PRKN: variants seen among roughly 807,000 people sequenced by gnomAD.
The protein encoded by PRKN is parkin RBR E3 ubiquitin protein ligase, also known as E3 ubiquitin-protein ligase parkin.
In PRKN, 56 loss-of-function variants were observed where a neutral mutation model predicts 59.5. The ratio of observed to expected loss-of-function variants is 0.94; its 90% CI spans 0.76 to 1.18. The LOEUF is 1.18. PRKN is among the 50% of genes most tolerant of loss of function. The pLI, the probability that PRKN is intolerant of heterozygous loss-of-function variation, is 0.00. For missense variants in PRKN, 657 were observed against 596.4 expected (o/e 1.10, Z -1.06); for synonymous variants, 250 against 222.1 (o/e 1.13, Z -1.12).
At chr6:162,367,788 A>C (rs1785532022) in intron 2 of PRKN, among the ~76,000 whole-genome samples, 1 of 152,186 alleles carries the variant, frequency 6.6e-6, no homozygotes, top group Non-Finnish European at 1.5e-5. Context: ...GAAAGAAAAA[A>C]GGGATAGAAT....
chr6:161,493,627 C>T (rs555637), intron 9 of PRKN, among the ~76,000 whole-genome samples: 42,654 of 152,182 alleles, frequency 0.28, 7,806 homozygotes, highest in East Asian at 0.66. Flanking sequence ...ACAGATTACA[C>T]GAAGAGCAGA....
chr6:162,209,042 G>A (rs1045003755), intron 3 of PRKN, among the ~76,000 whole-genome samples: 2 of 152,144 alleles, frequency 1.3e-5, no homozygotes, highest in Admixed American at 6.5e-5. Context: ...GCATGGGCAA[G>A]GACTTCATGA....
At chr6:161,664,633 C>A (rs1473381140) in intron 7 of PRKN, among the ~76,000 whole-genome samples, 1 of 152,038 alleles carries the variant, frequency 6.6e-6, no homozygotes, top group Non-Finnish European at 1.5e-5. Flanking sequence ...TATATGCTGG[C>A]TTGTCTATAA....
chr6:162,668,540 G>T (rs1396507195), intron 1 of PRKN, among the ~76,000 whole-genome samples: 1 of 152,168 alleles, frequency 6.6e-6, no homozygotes, highest in Non-Finnish European at 1.5e-5. Flanking sequence ...GGACAGAGGT[G>T]CTGGGCCAGC....
intron 6 of PRKN, among the ~76,000 whole-genome samples, chr6:161,894,515 C>A (rs1283855320): frequency 4.6e-5 from 7 of 152,176 alleles, no homozygotes; most frequent in Admixed American, 4.6e-4. Context: ...CTTTCCAAGC[C>A]TCATTTCCCA....
At position 161,491,056 on chromosome 6, in the gene PRKN, T is replaced by C. The variant is rs868781778; in HGVS notation, c.1083+57798A>G. Among the ~76,000 whole-genome samples the C allele has an allele frequency of 5.3e-5, 8 of 152,330 alleles. No homozygotes were observed. The Middle Eastern group carries it at 0.01, about 194-fold the overall frequency. ...AAACCATGAGCCAATTAAACATCTT[T>C]TCTTTATAAATCACCCAGTCTCCGG... is the stretch of plus-strand genomic sequence containing the variant. On this transcript the variant is annotated intron_variant, in intron 9 of 11. Transcript: ENST00000366898.
intron 2 of PRKN, among the ~76,000 whole-genome samples, chr6:162,283,841 C>T (rs1356486145): frequency 1.3e-5 from 2 of 152,042 alleles, no homozygotes; most frequent in African/African-American, 4.8e-5. Context: ...AGATCCTGAC[C>T]CCTGCTTGAT....
At chr6:161,656,452 C>A (rs1046671045) in intron 7 of PRKN, among the ~76,000 whole-genome samples, 1 of 152,148 alleles carries the variant, frequency 6.6e-6, no homozygotes, top group Non-Finnish European at 1.5e-5. Context: ...TAAGCTAACC[C>A]CACAGGACAG....
chr6:162,648,570 C>T (rs992574641), intron 1 of PRKN, among the ~76,000 whole-genome samples: 6 of 151,924 alleles, frequency 3.9e-5, no homozygotes, highest in East Asian at 1.9e-4. Flanking sequence ...TTAGTAGAGA[C>T]GGGGTTTCAC....
intron 7 of PRKN, among the ~76,000 whole-genome samples, chr6:161,756,727 C>A (rs1393801548): frequency 6.6e-6 from 1 of 152,016 alleles, no homozygotes; most frequent in Non-Finnish European, 1.5e-5. Flanking sequence ...CAAGTCCCAG[C>A]AACCTCACTT....
At position 161,415,606 on chromosome 6, in the gene PRKN, C is replaced by G. The variant is rs950477658; in HGVS notation, c.1084-28729G>C. ...CAGGAAATGTCGCCCCCCCCCCCCC[C>G]CGACCCCCCGCCAGCCCCCGACCGC... On this transcript the variant is annotated intron_variant, in intron 9 of 11. Transcript: ENST00000366898. 1.5e-4 allele frequency among the ~76,000 whole-genome samples: 15 copies of G among 98,994 alleles called. No individual in the cohort carries two copies. In the East Asian group the frequency reaches 4.7e-3, roughly 31 times the overall value. 64.9% of individuals were successfully genotyped at this position (98,994 alleles called of 152,430 possible).
At chr6:162,638,164 TTC>T (rs775937381) in intron 1 of PRKN, among the ~76,000 whole-genome samples, 1 of 135,120 alleles carries the variant, frequency 7.4e-6, no homozygotes, top group Non-Finnish European at 1.6e-5. Context: ...TCCATATTAT[TTC>T]TTTTTCTCCA....
At chr6:162,024,399 G>A (rs1783341746) in intron 5 of PRKN, among the ~76,000 whole-genome samples, 1 of 152,094 alleles carries the variant, frequency 6.6e-6, no homozygotes, top group African/African-American at 2.4e-5. Context: ...GTTTTGCTAT[G>A]TTGGTCAGGC....
chr6:162,012,092 T>C (rs1048736754), intron 5 of PRKN, among the ~76,000 whole-genome samples: 2 of 152,148 alleles, frequency 1.3e-5, no homozygotes, highest in African/African-American at 2.4e-5. Flanking sequence ...ATGTGGGTAC[T>C]TTCCTTTGAT....
intron 4 of PRKN, among the ~76,000 whole-genome samples, chr6:162,079,414 A>G (rs1286578698): frequency 6.6e-6 from 1 of 152,040 alleles, no homozygotes; most frequent in South Asian, 2.1e-4. Context: ...TCTATACCCA[A>G]AGCCAGCATC....
intron 1 of PRKN, among the ~76,000 whole-genome samples, chr6:162,639,623 C>T: frequency 6.6e-6 from 1 of 152,056 alleles, no homozygotes; most frequent in East Asian, 1.9e-4. Flanking sequence ...TTACAACACC[C>T]AAAGCAACAG....
rs943998332 is a variant in PRKN, at chr6:161,584,327, C to T, written c.872-14911G>A. 1.3e-5 allele frequency among the ~76,000 whole-genome samples: 2 copies of T among 152,136 alleles called. No homozygotes were observed. Among genetic ancestry groups the T allele is most frequent in the African/African-American group, 4.8e-5 (2 of 41,418 alleles). On this transcript the variant is annotated intron_variant, in intron 7 of 11. Coordinates refer to ENST00000366898, the MANE Select transcript of PRKN (RefSeq NM_004562.3). This position sits in a 1 kb window ranked among gnomAD's most constrained non-coding sequence, Gnocchi z 4.8. ...CCAACCTTTCTATTTCAGCTGGTGA[C>T]TCATAGAGCAGTCACCCACATAATT...
At chr6:161,809,244 A>G (rs1791462069) in intron 6 of PRKN, among the ~76,000 whole-genome samples, 1 of 152,106 alleles carries the variant, frequency 6.6e-6, no homozygotes, top group Non-Finnish European at 1.5e-5. Flanking sequence ...ACACATCAAC[A>G]GTCCTCAAAG....
Position 161,399,209 on chromosome 6 carries a change from G to A in PRKN, c.1084-12332C>T, listed in dbSNP as rs528905287. On this transcript the variant is annotated intron_variant, in intron 9 of 11. Coordinates refer to ENST00000366898, the MANE Select transcript of PRKN (RefSeq NM_004562.3). The surrounding 1 kb of genome is among the most constrained non-coding windows in gnomAD (Gnocchi z 4.4). ...TCCCCATCCATCCATCCCACTGAGA[G>A]CCACATCCACCACTCAATAAAACCC... Among the ~76,000 whole-genome samples the A allele has an allele frequency of 6.6e-6, 1 of 152,072 alleles. No individual in the cohort carries two copies. The highest frequency in any genetic ancestry group is 1.9e-4 in the East Asian group (1 of 5,190).
Sources: gnomAD v4.1 joint callset for allele counts (sites outside exome capture counted in the v4.1 genomes callset) on GRCh38, gnomAD v4.1.1 for gene constraint, Gnocchi (gnomAD v3.1) non-coding constraint, MANE v1.5 for transcripts, NCBI Gene and HGNC (gene_info 2026-07-23, HGNC 2026-07-21) for gene names.